Variants in ADAM12 observed in about 807,000 individuals in gnomAD.
The protein encoded by ADAM12 is ADAM metallopeptidase domain 12, also known as disintegrin and metalloproteinase domain-containing protein 12.
ADAM12 carries 70 observed loss-of-function variants against 106.4 expected under a neutral mutation model. The observed-to-expected ratio is 0.66, with a 90% confidence interval of 0.54 to 0.80. ADAM12 has a LOEUF of 0.80. Ranked by LOEUF, ADAM12 falls within the 30% of genes least tolerant of loss-of-function variation. The pLI, the probability that ADAM12 is intolerant of heterozygous loss-of-function variation, is 0.00. For synonymous variants in ADAM12, 420 were observed against 433.5 expected (o/e 0.97, Z 0.39); for missense variants, 1,010 against 1,171.9 (o/e 0.86, Z 2.02).
rs1954838473 is a variant in ADAM12 at position 126,065,017 on chromosome 10, C to G, written c.1414-16G>C. The G allele has an allele frequency of 6.3e-7, 1 of 1,599,702 alleles. No individual in the cohort carries two copies. The highest frequency in any genetic ancestry group is 8.5e-7 in the Non-Finnish European group (1 of 1,172,582). On this transcript the variant is annotated splice_polypyrimidine_tract_variant and intron_variant, in intron 13 of 22. Coordinates refer to ENST00000448723, the MANE Select transcript of ADAM12 (RefSeq NM_001288973.2). The stretch of plus-strand genomic sequence containing the variant: ...CAGGCTTCAGCTGGAAGGAGAGGGC[C>G]ATTTATGACACATGCACCCGGGGAA...
At chr10:126,180,365 G>A in intron 3 of ADAM12, among the ~76,000 whole-genome samples, 1 of 152,166 alleles carries the variant, frequency 6.6e-6, no homozygotes, top group Middle Eastern at 3.2e-3. Context: ...TGTGATTCTG[G>A]AGGGGCCCCC....
chr10:126,154,765 T>G (rs893346671), intron 4 of ADAM12, among the ~76,000 whole-genome samples: 1 of 152,196 alleles, frequency 6.6e-6, no homozygotes, highest in Non-Finnish European at 1.5e-5. Context: ...ATAAATGTCA[T>G]GTTACAGTAA....
At chr10:126,144,875 A>G (rs117220490) in intron 4 of ADAM12, among the ~76,000 whole-genome samples, 3,747 of 152,252 alleles carry the variant, frequency 0.025, 64 homozygotes, top group Non-Finnish European at 0.038. Context: ...TGTCTGTTTC[A>G]TCGTCACATC....
At chr10:126,079,277 C>A (rs1408881457) in intron 11 of ADAM12, among the ~76,000 whole-genome samples, 1 of 152,104 alleles carries the variant, frequency 6.6e-6, no homozygotes, top group Non-Finnish European at 1.5e-5. Context: ...AACTGCAGAA[C>A]TTCCCCCCAC....
chr10:126,370,251 T>C (rs1463941736), intron 1 of ADAM12, among the ~76,000 whole-genome samples: 2 of 152,240 alleles, frequency 1.3e-5, no homozygotes. Flanking sequence ...TGTGAGATTG[T>C]ACACAGGTGT....
intron 1 of ADAM12, among the ~76,000 whole-genome samples, chr10:126,339,109 T>A: frequency 6.6e-6 from 1 of 152,140 alleles, no homozygotes; most frequent in East Asian, 1.9e-4. Flanking sequence ...ACTTGAACAT[T>A]CCCCAAGTCT....
At chr10:126,249,401 T>C (rs577579114) in intron 3 of ADAM12, among the ~76,000 whole-genome samples, 1 of 152,288 alleles carries the variant, frequency 6.6e-6, no homozygotes, top group South Asian at 2.1e-4. Flanking sequence ...CCAAAGTGCC[T>C]TAGAAAACCA....
chr10:126,039,716 A>G (rs988973424), intron 18 of ADAM12, among the ~76,000 whole-genome samples: 7 of 152,228 alleles, frequency 4.6e-5, no homozygotes, highest in African/African-American at 1.4e-4. Flanking sequence ...AGGCGTGACA[A>G]CGGCACAGTG....
chr10:126,253,144 T>G (rs953221863), intron 3 of ADAM12, among the ~76,000 whole-genome samples: 2 of 152,212 alleles, frequency 1.3e-5, no homozygotes, highest in African/African-American at 4.8e-5. Context: ...TTTGAAGTAT[T>G]CTTCCAAACC....
chr10:126,221,894 G>A (rs1435092983), intron 3 of ADAM12, among the ~76,000 whole-genome samples: 3 of 152,188 alleles, frequency 2.0e-5, no homozygotes, highest in Admixed American at 1.3e-4. Flanking sequence ...GGCATCTTGA[G>A]GCCAATGCTT....
chr10:126,351,642 G>A (rs1855364188), intron 1 of ADAM12, among the ~76,000 whole-genome samples: 1 of 152,156 alleles, frequency 6.6e-6, no homozygotes. Flanking sequence ...TGATAGAGAA[G>A]GGGGAGGTCC....
chr10:126,248,207 C>T (rs1433457753), intron 3 of ADAM12, among the ~76,000 whole-genome samples: 6 of 152,170 alleles, frequency 3.9e-5, no homozygotes, highest in African/African-American at 1.4e-4. Flanking sequence ...CCATAATTCA[C>T]GTATTCTTTC....
intron 1 of ADAM12, among the ~76,000 whole-genome samples, chr10:126,345,455 T>C (rs912796775): frequency 2.0e-5 from 3 of 151,742 alleles, no homozygotes; most frequent in African/African-American, 7.3e-5. Flanking sequence ...TTTGCATTGA[T>C]TTTATCAGGG....
chr10:126,155,443 T>A (rs1956797971), intron 3 of ADAM12, 138 bp from the exon 4 acceptor site: 4 of 713,770 alleles, frequency 5.6e-6, no homozygotes, highest in Non-Finnish European at 6.8e-6. Flanking sequence ...GAAGCTCCCA[T>A]TAGGGCCTTC....
rs1445407833 is a variant in ADAM12, at chr10:126,012,582, C to T, written c.*4697G>A. ...AAATGGATGAAGCACTATAAAATTA[C>T]TTTGCTGTTTACGTAACTGTATCTT... is the stretch of plus-strand genomic sequence containing the variant. On this transcript the variant is annotated 3_prime_UTR_variant, in exon 23 of 23. Coordinates refer to ENST00000448723, the MANE Select transcript of ADAM12 (RefSeq NM_001288973.2). The T allele has an allele frequency of 1.3e-5, 2 of 152,182 alleles. No individual in the cohort carries two copies. Among genetic ancestry groups the T allele is most frequent in the Non-Finnish European group, 2.9e-5 (2 of 68,032 alleles). The allele number at this position is 152,182 out of a possible 1,614,324, so 9.4% of individuals were successfully genotyped here.
At chr10:126,146,003 T>C (rs559978392) in intron 4 of ADAM12, among the ~76,000 whole-genome samples, 5 of 152,304 alleles carry the variant, frequency 3.3e-5, no homozygotes, top group African/African-American at 1.2e-4. Context: ...GTGATACAAA[T>C]AGAAAGATGT....
At chr10:126,344,163 T>C (rs1005709316) in intron 1 of ADAM12, among the ~76,000 whole-genome samples, 5 of 152,166 alleles carry the variant, frequency 3.3e-5, no homozygotes, top group African/African-American at 1.2e-4. Flanking sequence ...AGGTCTAACA[T>C]TTAAGTCTTT....
At chr10:126,058,309 C>A (rs1204459325) in intron 14 of ADAM12, among the ~76,000 whole-genome samples, 1 of 152,260 alleles carries the variant, frequency 6.6e-6, no homozygotes, top group Admixed American at 6.5e-5. Context: ...TTGGGGAAAG[C>A]ACATCATGTC....
chr10:126,174,334 C>T (rs1957178890), intron 3 of ADAM12, among the ~76,000 whole-genome samples: 1 of 152,034 alleles, frequency 6.6e-6, no homozygotes, highest in Non-Finnish European at 1.5e-5. Flanking sequence ...TTCTCCTACG[C>T]ATCATGGCCC....
Sources: gnomAD v4.1 joint callset for allele counts (sites outside exome capture counted in the v4.1 genomes callset) on GRCh38, gnomAD v4.1.1 for gene constraint, MANE v1.5 for transcripts, NCBI Gene and HGNC (gene_info 2026-07-23, HGNC 2026-07-21) for gene names.